Variants in MCTP1 observed in about 807,000 individuals in gnomAD.
MCTP1 encodes the protein multiple C2 and transmembrane domain-containing protein 1.
In MCTP1, 69 loss-of-function variants were observed where a neutral mutation model predicts 120.6. The observed-to-expected ratio is 0.57, with a 90% confidence interval of 0.47 to 0.70. The LOEUF (loss-of-function observed/expected upper bound fraction) is 0.70, where lower values mean the gene tolerates loss of function less well. Among genes scored for constraint, MCTP1 ranks in the 30% least tolerant of loss-of-function variants. MCTP1 has a pLI of 0.00. For missense variants in MCTP1, 1,203 were observed against 1,248.8 expected, an observed-to-expected ratio of 0.96 and a Z score of 0.55; for synonymous variants, 529 against 493.1, an observed-to-expected ratio of 1.07 and a Z score of -0.96.
chr5:95,084,729 A>C (rs780153192), intron 1 of MCTP1, among the ~76,000 whole-genome samples: 1 of 152,188 alleles, frequency 6.6e-6, no homozygotes, highest in Non-Finnish European at 1.5e-5. Flanking sequence ...AGGCTTCTGA[A>C]TTGGGCATAA....
chr5:94,803,724 A>G (rs940171633), intron 17 of MCTP1, among the ~76,000 whole-genome samples: 1 of 152,180 alleles, frequency 6.6e-6, no homozygotes, highest in East Asian at 1.9e-4. Context: ...TATAAGAGCT[A>G]TGCTAAAGAA....
At chr5:95,012,817 A>G (rs746544537) in intron 2 of MCTP1, among the ~76,000 whole-genome samples, 2 of 152,096 alleles carry the variant, frequency 1.3e-5, no homozygotes, top group African/African-American at 2.4e-5. Flanking sequence ...GAGACACAAC[A>G]TTACCGAAAT....
chr5:94,754,383 T>C (rs1019237511), intron 19 of MCTP1, among the ~76,000 whole-genome samples: 1 of 152,180 alleles, frequency 6.6e-6, no homozygotes, highest in Non-Finnish European at 1.5e-5. Flanking sequence ...TAGTAAAAAG[T>C]CTTATTTTCA....
At chr5:94,735,129 G>A (rs960999481) in intron 19 of MCTP1, among the ~76,000 whole-genome samples, 2 of 152,078 alleles carry the variant, frequency 1.3e-5, no homozygotes, top group African/African-American at 4.8e-5. Flanking sequence ...CTGCCAAATC[G>A]CCTTCCAAAA....
rs185800099 is a variant in MCTP1, at chr5:95,208,275, G to C, written c.720+75581C>G. 4.3e-3 allele frequency among the ~76,000 whole-genome samples: 661 copies of C among 152,180 alleles called. 8 individuals are homozygous for C. The highest frequency in any genetic ancestry group is 0.015 in the African/African-American group (616 of 41,540). On this transcript the variant is annotated intron_variant, in intron 1 of 22. Coordinates refer to ENST00000515393, the MANE Select transcript of MCTP1 (RefSeq NM_024717.7). ...CAGCTAATTTTTTCTATTTTTAGTAGAGGCAGGGTTTCACTATGTTGGCAA... is the reference window on the plus strand; with the variant it reads ...CAGCTAATTTTTTCTATTTTTAGTACAGGCAGGGTTTCACTATGTTGGCAA...
intron 1 of MCTP1, among the ~76,000 whole-genome samples, chr5:95,116,418 C>T (rs1338575371): frequency 3.9e-5 from 6 of 152,118 alleles, no homozygotes; most frequent in African/African-American, 7.2e-5. Flanking sequence ...CAGTACCATG[C>T]TGTTCTGGTT....
chr5:94,989,606 GGTAA>G (rs1469924214), intron 2 of MCTP1, among the ~76,000 whole-genome samples: 7 of 152,266 alleles, frequency 4.6e-5, no homozygotes, highest in African/African-American at 1.4e-4. Flanking sequence ...TCTCTGGAGT[GGTAA>G]GTGTCTCTTT....
chr5:94,720,635 C>A (rs1002767893), intron 19 of MCTP1, among the ~76,000 whole-genome samples: 4 of 152,102 alleles, frequency 2.6e-5, no homozygotes, highest in Non-Finnish European at 2.9e-5. Context: ...TGAAAATATT[C>A]CAGTAATGGA....
chr5:94,742,430 A>T (rs1030683955), intron 19 of MCTP1, among the ~76,000 whole-genome samples: 3 of 152,142 alleles, frequency 2.0e-5, no homozygotes, highest in Non-Finnish European at 4.4e-5. Flanking sequence ...TACTAAGTAA[A>T]TGAAGTACCA....
At chr5:95,266,308 T>C (rs1758879537) in intron 1 of MCTP1, among the ~76,000 whole-genome samples, 2 of 152,242 alleles carry the variant, frequency 1.3e-5, no homozygotes, top group Admixed American at 1.3e-4. Flanking sequence ...GTCTTCCTTT[T>C]ACCCAAGGGT....
intron 1 of MCTP1, among the ~76,000 whole-genome samples, chr5:95,088,131 C>G (rs1464620675): frequency 6.6e-6 from 1 of 152,200 alleles, no homozygotes; most frequent in Non-Finnish European, 1.5e-5. Flanking sequence ...TTCTGGAGGA[C>G]AGATGTGCTC....
chr5:94,913,807 T>C (rs1809405247), intron 8 of MCTP1, among the ~76,000 whole-genome samples: 1 of 152,098 alleles, frequency 6.6e-6, no homozygotes, highest in Non-Finnish European at 1.5e-5. Flanking sequence ...TGGGCTCAAG[T>C]GATCCTCCCA....
rs184288580 is a variant in MCTP1 at position 94,982,879 on chromosome 5, T to G, written c.839-29518A>C. Among the ~76,000 whole-genome samples, 107 of 47,706 alleles carry G rather than the reference T, an allele frequency of 2.2e-3. 1 individual carries two copies. The highest frequency in any genetic ancestry group is 6.9e-3 in the African/African-American group (101 of 14,698). The allele number at this position is 47,706 out of a possible 152,430, so 31.3% of individuals were successfully genotyped here. A position where few individuals can be genotyped will look rare whatever the true frequency, so the allele number is the denominator to read the frequency against. On this transcript the variant is annotated intron_variant, in intron 2 of 22. Transcript: ENST00000515393. ...ACTCTACCTGGGGGACAGAGCACAC[T>G]TCATCAAAAAAAAAAAAAAAAAAAA...
chr5:95,155,818 G>A (rs1365577986), intron 1 of MCTP1, among the ~76,000 whole-genome samples: 2 of 152,208 alleles, frequency 1.3e-5, no homozygotes, highest in African/African-American at 4.8e-5. Context: ...TGGGAGAGAT[G>A]TGATTACGAT....
intron 1 of MCTP1, among the ~76,000 whole-genome samples, chr5:95,163,938 G>A (rs146352811): frequency 3.5e-4 from 53 of 152,216 alleles, no homozygotes; most frequent in Admixed American, 1.1e-3. Flanking sequence ...TACAGCTCTA[G>A]TTTATGGTAA....
intron 17 of MCTP1, among the ~76,000 whole-genome samples, chr5:94,813,268 T>C (rs1387226038): frequency 6.6e-6 from 1 of 152,170 alleles, no homozygotes; most frequent in African/African-American, 2.4e-5. Context: ...CACAATGGGA[T>C]ACCACTTCAC....
At chr5:95,235,588 G>A (rs546434975) in intron 1 of MCTP1, among the ~76,000 whole-genome samples, 7 of 152,054 alleles carry the variant, frequency 4.6e-5, no homozygotes, top group Admixed American at 2.6e-4. Context: ...GAATGTATAC[G>A]CCTGAACTTA....
intron 1 of MCTP1, among the ~76,000 whole-genome samples, chr5:95,039,009 T>A (rs930325707): frequency 6.6e-6 from 1 of 152,108 alleles, no homozygotes; most frequent in Non-Finnish European, 1.5e-5. Flanking sequence ...GGTAGTTTTT[T>A]TTTTTCTCTT....
intron 1 of MCTP1, among the ~76,000 whole-genome samples, chr5:95,024,814 A>G (rs1301464346): frequency 6.6e-6 from 1 of 152,146 alleles, no homozygotes; most frequent in Non-Finnish European, 1.5e-5. Flanking sequence ...TTAAGAAAAC[A>G]ATCCTATTTA....
Sources: gnomAD v4.1 joint callset for allele counts (sites outside exome capture counted in the v4.1 genomes callset) on GRCh38, gnomAD v4.1.1 for gene constraint, MANE v1.5 for transcripts, NCBI Gene and HGNC (gene_info 2026-07-23, HGNC 2026-07-21) for gene names.